Variants in PTCHD4 observed in about 807,000 individuals in gnomAD.
The protein encoded by PTCHD4 is patched domain-containing protein 4.
PTCHD4 carries 33 observed loss-of-function variants against 58.1 expected under a neutral mutation model. That is an observed-to-expected ratio of 0.57 (90% CI 0.43 to 0.76). PTCHD4 has a LOEUF of 0.76. Among genes scored for constraint, PTCHD4 ranks in the 30% least tolerant of loss-of-function variants. The probability of loss-of-function intolerance (pLI) is 0.00; values close to 1 mark genes in which losing one functional copy is unlikely to be tolerated. For synonymous variants in PTCHD4, 478 were observed against 409.6 expected (o/e 1.17, Z -2.02); for missense variants, 1,058 against 1,027.1 (o/e 1.03, Z -0.41).
At position 48,001,486 on chromosome 6, in the gene PTCHD4, G is replaced by A. The variant is rs533735835; in HGVS notation, c.898+7148C>T. ...TACAACCATCTGATCTTTGACAAAC[G>A]TGACAAAAACAAGAACTGGGGAAAG... On this transcript the variant is annotated intron_variant, in intron 4 of 4. Transcript: ENST00000339488. Among the ~76,000 whole-genome samples, 48 of 152,172 alleles carry A rather than the reference G, an allele frequency of 3.2e-4. No homozygotes were observed. In the South Asian group the frequency reaches 8.3e-3, roughly 26 times the overall value.
chr6:48,032,904 A>G (rs545550622), intron 3 of PTCHD4, among the ~76,000 whole-genome samples: 40 of 152,232 alleles, frequency 2.6e-4, no homozygotes, highest in Non-Finnish European at 5.0e-4. Context: ...TTTTACTGGA[A>G]ACTCCTTGAA....
chr6:48,062,605 G>T (rs887883846), intron 3 of PTCHD4, among the ~76,000 whole-genome samples: 1 of 152,090 alleles, frequency 6.6e-6, no homozygotes, highest in African/African-American at 2.4e-5. Flanking sequence ...AGGCCCCAGT[G>T]CCAAGCAATT....
chr6:48,027,449 G>C (rs533405927), intron 3 of PTCHD4, among the ~76,000 whole-genome samples: 1 of 152,030 alleles, frequency 6.6e-6, no homozygotes, highest in African/African-American at 2.4e-5. Flanking sequence ...GTTAAAAATA[G>C]GTAACAGGAA....
At chr6:47,908,466 C>T (rs1764970664) in intron 4 of PTCHD4, among the ~76,000 whole-genome samples, 1 of 152,132 alleles carries the variant, frequency 6.6e-6, no homozygotes, top group African/African-American at 2.4e-5. Context: ...GCTGATTCTG[C>T]TCCACATGGC....
chr6:47,905,738 A>T (rs1486459392), intron 4 of PTCHD4, among the ~76,000 whole-genome samples: 1 of 152,176 alleles, frequency 6.6e-6, no homozygotes, highest in Non-Finnish European at 1.5e-5. Flanking sequence ...ATACTGGGAG[A>T]ATGCCCTCGA....
intron 4 of PTCHD4, among the ~76,000 whole-genome samples, chr6:47,928,290 G>T (rs745699122): frequency 6.6e-6 from 1 of 152,170 alleles, no homozygotes; most frequent in African/African-American, 2.4e-5. Context: ...AACTTTAGCA[G>T]GAAAGAGTTT....
At chr6:47,998,543 T>C (rs1768591384) in intron 4 of PTCHD4, among the ~76,000 whole-genome samples, 1 of 152,214 alleles carries the variant, frequency 6.6e-6, no homozygotes, top group Admixed American at 6.5e-5. Context: ...AGTAACCACT[T>C]GAGGAAACTC....
chr6:47,884,123 T>C (rs567114350), intron 4 of PTCHD4, among the ~76,000 whole-genome samples: 15 of 152,268 alleles, frequency 9.9e-5, no homozygotes, highest in African/African-American at 3.6e-4. Context: ...TATGTATGTA[T>C]GTATATATTC....
Position 47,875,060 on chromosome 6 carries a change from G to A in PTCHD4, c.*3243C>T, listed in dbSNP as rs1457024754. Among the ~76,000 whole-genome samples the A allele has an allele frequency of 6.6e-6, 1 of 151,746 alleles. No individual in the cohort carries two copies. The highest frequency in any genetic ancestry group is 6.6e-5 in the Admixed American group (1 of 15,204). On this transcript the variant is annotated 3_prime_UTR_variant, in exon 5 of 5. Coordinates refer to ENST00000339488, the MANE Select transcript of PTCHD4 (RefSeq NM_001384253.1). Reference sequence around the variant, plus strand: ...TGGAAGGAAATAAATCCACATTCCAGTTTACATACAGAAAAAGAGTAGTTT... The same window carrying A: ...TGGAAGGAAATAAATCCACATTCCAATTTACATACAGAAAAAGAGTAGTTT...
intron 4 of PTCHD4, among the ~76,000 whole-genome samples, chr6:47,894,668 A>G (rs1764480032): frequency 6.6e-6 from 1 of 152,254 alleles, no homozygotes; most frequent in Non-Finnish European, 1.5e-5. Context: ...GTATATCAAA[A>G]TACATTTCTA....
intron 1 of PTCHD4, among the ~76,000 whole-genome samples, chr6:48,095,732 C>CAAAAAA (rs112185985): frequency 4.8e-5 from 6 of 124,970 alleles, no homozygotes; most frequent in South Asian, 2.5e-4. Context: ...CAAAAGGAAC[C>CAAAAAA]AAAAAAAAAA....
chr6:48,071,080 T>C (rs1367753492), intron 1 of PTCHD4, among the ~76,000 whole-genome samples: 1 of 152,256 alleles, frequency 6.6e-6, no homozygotes, highest in African/African-American at 2.4e-5. Context: ...CAGAGTTCTC[T>C]GTAAAGCTGA....
At chr6:48,052,936 G>C (rs566690447) in intron 3 of PTCHD4, among the ~76,000 whole-genome samples, 1 of 152,242 alleles carries the variant, frequency 6.6e-6, no homozygotes, top group Non-Finnish European at 1.5e-5. Context: ...ACTTCTAATG[G>C]AAAAGCTTTC....
At position 48,004,125 on chromosome 6, in the gene PTCHD4, C is replaced by G. The variant is rs142084700; in HGVS notation, c.898+4509G>C. On this transcript the variant is annotated intron_variant, in intron 4 of 4. Coordinates refer to ENST00000339488, the MANE Select transcript of PTCHD4 (RefSeq NM_001384253.1). ...GGGTGACAACTTGATCATTTCTGTT[C>G]AATGCCTTTTACTTCAGAACCCAAA... Among the ~76,000 whole-genome samples the G allele has an allele frequency of 4.6e-5, 7 of 152,260 alleles. No homozygotes were observed. The East Asian group carries it at 1.2e-3, about 25-fold the overall frequency.
chr6:47,967,590 C>A (rs769511660), intron 4 of PTCHD4, among the ~76,000 whole-genome samples: 2 of 152,172 alleles, frequency 1.3e-5, no homozygotes, highest in Non-Finnish European at 2.9e-5. Context: ...GGTGTTTCAT[C>A]TGCATTGAAA....
chr6:48,007,214 T>A (rs1762468461), intron 4 of PTCHD4, among the ~76,000 whole-genome samples: 1 of 152,108 alleles, frequency 6.6e-6, no homozygotes, highest in Admixed American at 6.5e-5. Context: ...CACTCCAGCC[T>A]GGAAGACAGA....
intron 4 of PTCHD4, among the ~76,000 whole-genome samples, chr6:47,885,200 T>C (rs1436315940): frequency 6.6e-6 from 1 of 151,880 alleles, no homozygotes; most frequent in African/African-American, 2.4e-5. Context: ...TTCTTAAGGG[T>C]AAAAAAGAGT....
chr6:47,903,958 CAGG>C (rs1202804079), intron 4 of PTCHD4, among the ~76,000 whole-genome samples: 1 of 152,062 alleles, frequency 6.6e-6, no homozygotes, highest in Non-Finnish European at 1.5e-5. Flanking sequence ...GTAATGTCTT[CAGG>C]AGAAGCATAT....
chr6:48,056,243 T>C lies in PTCHD4; in HGVS notation c.417+11987A>G, dbSNP rs555628296. Among the ~76,000 whole-genome samples, 13 of 152,352 alleles carry C rather than the reference T, an allele frequency of 8.5e-5. No individual in the cohort carries two copies. The South Asian group carries it at 2.3e-3, about 27-fold the overall frequency. ...TTTATAAAAGGCTACTTTCAAAAGCTTCATAATTTTGAAGGAAAATAAGAA... is the reference window on the plus strand; with the variant it reads ...TTTATAAAAGGCTACTTTCAAAAGCCTCATAATTTTGAAGGAAAATAAGAA... On this transcript the variant is annotated intron_variant, in intron 3 of 4. Coordinates refer to ENST00000339488, the MANE Select transcript of PTCHD4 (RefSeq NM_001384253.1).
Sources: allele counts gnomAD v4.1 joint callset (sites outside exome capture counted in the v4.1 genomes callset), GRCh38; gene constraint gnomAD v4.1.1; transcripts MANE v1.5; gene names NCBI Gene and HGNC (gene_info 2026-07-23, HGNC 2026-07-21).